ME1: variants seen among roughly 807,000 people sequenced by gnomAD.
ME1 encodes NADP-dependent malic enzyme.
ME1 carries 74 observed loss-of-function variants against 66.4 expected under a neutral mutation model. The observed-to-expected ratio is 1.11, with a 90% confidence interval of 0.92 to 1.35. The LOEUF is 1.35. ME1 is among the 40% of genes most tolerant of loss of function. The pLI is 0.00. For synonymous variants in ME1, 251 were observed against 235.6 expected, an observed-to-expected ratio of 1.07 and a Z score of -0.60; for missense variants, 750 against 694.1, an observed-to-expected ratio of 1.08 and a Z score of -0.90.
At chr6:83,321,937 G>C (rs991848376) in intron 5 of ME1, among the ~76,000 whole-genome samples, 1 of 152,200 alleles carries the variant, frequency 6.6e-6, no homozygotes, top group Middle Eastern at 3.2e-3. Context: ...CCTCTTGGGG[G>C]AAGCTGCCAG....
chr6:83,320,060 G>A (rs1204242427), intron 5 of ME1, among the ~76,000 whole-genome samples: 1 of 152,204 alleles, frequency 6.6e-6, no homozygotes, highest in African/African-American at 2.4e-5. Context: ...CTAGGATGGT[G>A]ATAAGCATAT....
At chr6:83,229,630 A>T (rs1279989936) in intron 9 of ME1, among the ~76,000 whole-genome samples, 1 of 152,204 alleles carries the variant, frequency 6.6e-6, no homozygotes, top group Non-Finnish European at 1.5e-5. Flanking sequence ...GTCATTTTAC[A>T]TATGCGGAAA....
chr6:83,214,845 C>T (rs902618433), intron 13 of ME1, among the ~76,000 whole-genome samples: 3 of 152,062 alleles, frequency 2.0e-5, no homozygotes, highest in Non-Finnish European at 4.4e-5. Context: ...GAAGTTGGTT[C>T]TTTGTTCTAG....
rs1229548281 is a variant in ME1, at chr6:83,211,122, C to G, written c.*802G>C. The G allele has an allele frequency of 6.6e-6, 1 of 152,152 alleles. No individual in the cohort carries two copies. Among genetic ancestry groups the G allele is most frequent in the South Asian group, 2.1e-4 (1 of 4,834 alleles). The allele number at this position is 152,152 out of a possible 1,614,324, so 9.4% of individuals were successfully genotyped here. The stretch of plus-strand genomic sequence containing the variant: ...TTAACTATATACTCTCCTTTCAGAC[C>G]TTCTCACTGCTCAGGCTGTGCTGAA... On this transcript the variant is annotated 3_prime_UTR_variant, in exon 14 of 14. Transcript: ENST00000369705.
chr6:83,394,050 TA>T (rs1382944197), intron 3 of ME1, among the ~76,000 whole-genome samples: 7 of 151,944 alleles, frequency 4.6e-5, no homozygotes, highest in Admixed American at 1.3e-4. Context: ...GAATATTTAT[TA>T]TTTTTTCAAT....
intron 6 of ME1, among the ~76,000 whole-genome samples, chr6:83,305,148 G>T (rs1361273854): frequency 2.0e-5 from 3 of 152,080 alleles, no homozygotes; most frequent in Non-Finnish European, 4.4e-5. Context: ...GTCTTGTGTG[G>T]CCTCCCTTTA....
intron 6 of ME1, among the ~76,000 whole-genome samples, chr6:83,271,933 A>C (rs1380994642): frequency 2.0e-5 from 3 of 152,230 alleles, no homozygotes; most frequent in African/African-American, 4.8e-5. Flanking sequence ...TGACACAGGC[A>C]TGCAATGCAT....
At chr6:83,267,355 A>G (rs1767005202) in intron 6 of ME1, among the ~76,000 whole-genome samples, 1 of 152,162 alleles carries the variant, frequency 6.6e-6, no homozygotes, top group Non-Finnish European at 1.5e-5. Flanking sequence ...AAAGAACTGG[A>G]AAAAGTATAC....
Position 83,354,352 on chromosome 6 carries a change from G to C in ME1, c.363-2213C>G, listed in dbSNP as rs547711864. On this transcript the variant is annotated intron_variant, in intron 3 of 13. Coordinates refer to ENST00000369705, the MANE Select transcript of ME1 (RefSeq NM_002395.6). Reference sequence around the variant, plus strand: ...TCACCACGTTGGCCAGGCTGGTCTTGAACTCCTGACCTCAAGTGATCCGCC... The same window carrying C: ...TCACCACGTTGGCCAGGCTGGTCTTCAACTCCTGACCTCAAGTGATCCGCC... Among the ~76,000 whole-genome samples, 2 of 152,240 alleles carry C rather than the reference G, an allele frequency of 1.3e-5. 1 individual carries two copies. The highest frequency in any genetic ancestry group is 1.3e-4 in the Admixed American group (2 of 15,286).
chr6:83,393,255 A>G (rs1769660372), intron 3 of ME1: 2 of 1,164,892 alleles, frequency 1.7e-6, no homozygotes, highest in Non-Finnish European at 2.6e-6. Flanking sequence ...GGTCTCCTCC[A>G]ACTTCAACAG....
chr6:83,366,235 A>G (rs2128546660), intron 3 of ME1, among the ~76,000 whole-genome samples: 1 of 152,282 alleles, frequency 6.6e-6, no homozygotes, highest in South Asian at 2.1e-4. Flanking sequence ...CAATACCTCC[A>G]GCTCCTTTTC....
intron 3 of ME1, among the ~76,000 whole-genome samples, chr6:83,381,350 G>C (rs1237704792): frequency 1.3e-5 from 2 of 151,964 alleles, no homozygotes; most frequent in Admixed American, 6.6e-5. Context: ...TGATTGACTT[G>C]GGCTATAAAT....
chr6:83,316,130 G>A (rs549251247), intron 5 of ME1, among the ~76,000 whole-genome samples: 3 of 152,072 alleles, frequency 2.0e-5, no homozygotes, highest in East Asian at 1.9e-4. Flanking sequence ...TTCCACTTCC[G>A]AAAGCAAAAT....
chr6:83,380,972 T>C (rs574557573), intron 3 of ME1, among the ~76,000 whole-genome samples: 1 of 152,174 alleles, frequency 6.6e-6, no homozygotes, highest in East Asian at 1.9e-4. Flanking sequence ...GTATTAGATA[T>C]AGTTCATGGA....
chr6:83,257,855 T>TG (rs1022958227), intron 6 of ME1, among the ~76,000 whole-genome samples: 1 of 152,178 alleles, frequency 6.6e-6, no homozygotes, highest in African/African-American at 2.4e-5. Flanking sequence ...TGTGAGCCTT[T>TG]GGAGAGTGCT....
chr6:83,426,053 T>G (rs1770366020), intron 1 of ME1, among the ~76,000 whole-genome samples: 1 of 152,152 alleles, frequency 6.6e-6, no homozygotes, highest in Admixed American at 6.5e-5. Flanking sequence ...TTGCTCCTTC[T>G]CACCCTCTAC....
At chr6:83,246,263 G>C (rs1312032620) in intron 7 of ME1, among the ~76,000 whole-genome samples, 1 of 151,998 alleles carries the variant, frequency 6.6e-6, no homozygotes, top group Non-Finnish European at 1.5e-5. Context: ...TGCCATGTTT[G>C]ATCTTTTTCA....
chr6:83,239,905 G>A (rs985236931), intron 7 of ME1, among the ~76,000 whole-genome samples: 7 of 151,994 alleles, frequency 4.6e-5, no homozygotes, highest in African/African-American at 1.4e-4. Context: ...TGAAAGGATG[G>A]GATCTGGATT....
intron 1 of ME1, among the ~76,000 whole-genome samples, chr6:83,409,430 A>T (rs1770005354): frequency 6.6e-6 from 1 of 152,240 alleles, no homozygotes; most frequent in Non-Finnish European, 1.5e-5. Context: ...CTAGAGGGAA[A>T]GGAGAGACAA....
Sources: allele counts gnomAD v4.1 joint callset (sites outside exome capture counted in the v4.1 genomes callset), GRCh38; gene constraint gnomAD v4.1.1; transcripts MANE v1.5; gene names NCBI Gene and HGNC (gene_info 2026-07-23, HGNC 2026-07-21).